PPARG: variants seen among roughly 807,000 people sequenced by gnomAD.
PPARG encodes peroxisome proliferator activated receptor gamma, also known as peroxisome proliferator-activated receptor gamma.
A neutral mutation model predicts 39.2 loss-of-function variants in PPARG; 17 were observed. The observed-to-expected ratio is 0.43, with a 90% confidence interval of 0.30 to 0.65. The LOEUF (loss-of-function observed/expected upper bound fraction) is 0.65, where lower values mean the gene tolerates loss of function less well. Ranked by LOEUF, PPARG falls within the 30% of genes least tolerant of loss-of-function variation. PPARG has a pLI of 0.13. For synonymous variants in PPARG, 223 were observed against 215.7 expected (o/e 1.03, Z -0.30); for missense variants, 406 against 585.9 (o/e 0.69, Z 3.17).
chr3:12,415,936 GA>G (rs1363334675), intron 6 of PPARG, among the ~76,000 whole-genome samples: 3 of 151,970 alleles, frequency 2.0e-5, no homozygotes, highest in African/African-American at 7.3e-5. Context: ...GAAATTTTAA[GA>G]AAAAAAAATT....
At chr3:12,397,072 A>T (rs2050288992) in intron 5 of PPARG, among the ~76,000 whole-genome samples, 1 of 152,064 alleles carries the variant, frequency 6.6e-6, no homozygotes. Context: ...TATAACATTG[A>T]GATTTGGTTA....
At chr3:12,358,571 T>C (rs1313210325) in intron 2 of PPARG, among the ~76,000 whole-genome samples, 1 of 152,228 alleles carries the variant, frequency 6.6e-6, no homozygotes, top group African/African-American at 2.4e-5. Flanking sequence ...ATCTATACTT[T>C]ACCTAAAGCC....
chr3:12,368,397 G>A (rs1223020829), intron 2 of PPARG, among the ~76,000 whole-genome samples: 1 of 151,688 alleles, frequency 6.6e-6, no homozygotes, highest in Non-Finnish European at 1.5e-5. Context: ...GGCCAGGCTG[G>A]TCTCGAACTC....
chr3:12,337,556 A>C (rs1398924002), intron 2 of PPARG, among the ~76,000 whole-genome samples: 1 of 152,036 alleles, frequency 6.6e-6, no homozygotes, highest in East Asian at 1.9e-4. Context: ...CATCTAATCT[A>C]CTCTCCTTTC....
chr3:12,298,324 A>AAAAAAAAAAAAAAAAG lies in PPARG; in HGVS notation c.-83+9193_-83+9194insAAAAAAAAAAAAGAAA, dbSNP rs764771478. 4.3e-4 allele frequency among the ~76,000 whole-genome samples: 58 copies of AAAAAAAAAAAAAAAAG among 134,634 alleles called. 4 individuals are homozygous for AAAAAAAAAAAAAAAAG. The highest frequency in any genetic ancestry group is 5.2e-4 in the African/African-American group (20 of 38,272). 88.3% of individuals were successfully genotyped at this position (134,634 alleles called of 152,430 possible). On this transcript the variant is annotated intron_variant, in intron 1 of 7. Transcript: ENST00000651735. ...AAAAAAAAAAAAAAAAAAAAAAAAAAAAAGAAATGTAAAATAGCAAGCGAG... is the reference window on the plus strand; with the variant it reads ...AAAAAAAAAAAAAAAAAAAAAAAAAAAAAAAAAAAAAAAAAGAAAGAAATGTAAAATAGCAAGCGAG...
At chr3:12,430,829 G>A (rs755113526) in intron 7 of PPARG, among the ~76,000 whole-genome samples, 2 of 152,122 alleles carry the variant, frequency 1.3e-5, no homozygotes, top group Non-Finnish European at 2.9e-5. Context: ...TGAAGGGAAG[G>A]TGAGAATGTT....
chr3:12,378,820 A>G (rs1299539366), intron 2 of PPARG, among the ~76,000 whole-genome samples: 1 of 152,200 alleles, frequency 6.6e-6, no homozygotes, highest in Admixed American at 6.5e-5. Context: ...AAATTTGCTA[A>G]GACAGTAGAT....
chr3:12,393,817 A>G (rs1009389143), intron 5 of PPARG, among the ~76,000 whole-genome samples: 3 of 152,188 alleles, frequency 2.0e-5, no homozygotes, highest in African/African-American at 7.2e-5. Context: ...CACAGTGGAA[A>G]CCATCAAGAT....
At chr3:12,308,707 T>A (rs2047146232) in intron 1 of PPARG, among the ~76,000 whole-genome samples, 1 of 152,132 alleles carries the variant, frequency 6.6e-6, no homozygotes, top group African/African-American at 2.4e-5. Flanking sequence ...GGTGGGAGTA[T>A]TTACACCACA....
intron 2 of PPARG, among the ~76,000 whole-genome samples, chr3:12,377,774 T>A (rs896746792): frequency 6.6e-6 from 1 of 152,240 alleles, no homozygotes; most frequent in South Asian, 2.1e-4. Context: ...ACTAGAAACT[T>A]CTTCACCACA....
intron 6 of PPARG, among the ~76,000 whole-genome samples, chr3:12,415,794 A>G (rs1031506258): frequency 3.3e-5 from 5 of 152,220 alleles, no homozygotes; most frequent in African/African-American, 1.2e-4. Flanking sequence ...CAAGAGCTGT[A>G]ATCTGCTTTC....
At chr3:12,365,595 GTTA>G (rs1398608796) in intron 2 of PPARG, among the ~76,000 whole-genome samples, 69 of 151,592 alleles carry the variant, frequency 4.6e-4, no homozygotes, top group Non-Finnish European at 1.2e-4. Context: ...TATTATTATT[GTTA>G]TTATTATATT....
chr3:12,421,362 G>T (rs1384879722), intron 7 of PPARG, among the ~76,000 whole-genome samples: 1 of 152,212 alleles, frequency 6.6e-6, no homozygotes, highest in Non-Finnish European at 1.5e-5. Flanking sequence ...GCGGTGTCAA[G>T]AGTAATAAAA....
chr3:12,307,023 G>A (rs559975608), intron 1 of PPARG, among the ~76,000 whole-genome samples: 5 of 150,642 alleles, frequency 3.3e-5, no homozygotes, highest in East Asian at 2.0e-4. Context: ...GCGTGAACCC[G>A]GGAGGCAGAG....
At chr3:12,314,278 AAATTAATTAATT>A (rs17425935) in intron 2 of PPARG, among the ~76,000 whole-genome samples, 7 of 151,594 alleles carry the variant, frequency 4.6e-5, no homozygotes, top group South Asian at 4.2e-4. Flanking sequence ...CCCTCTCAAA[AAATTAATTAATT>A]AATTAATTAA....
chr3:12,319,438 T>C (rs2047477799), intron 2 of PPARG, among the ~76,000 whole-genome samples: 1 of 152,184 alleles, frequency 6.6e-6, no homozygotes, highest in South Asian at 2.1e-4. Flanking sequence ...CGTCGTAAAA[T>C]TGAAGTACTT....
At chr3:12,364,813 T>C (rs1393476752) in intron 2 of PPARG, among the ~76,000 whole-genome samples, 1 of 152,228 alleles carries the variant, frequency 6.6e-6, no homozygotes, top group African/African-American at 2.4e-5. Context: ...TTTCACATGT[T>C]CACATGCCAT....
Position 12,382,187 on chromosome 3 carries a change from G to C in PPARG, c.390+696G>C, listed in dbSNP as rs2049696093. Among the ~76,000 whole-genome samples, 2 of 152,168 alleles carry C rather than the reference G, an allele frequency of 1.3e-5. 1 individual carries two copies. Among genetic ancestry groups the C allele is most frequent in the Admixed American group, 1.3e-4 (2 of 15,270 alleles). ...CAGTGCCTCATGTTTCCTTATTCCAGCATCAATGTGAGCCACATACACGGA... is the reference window on the plus strand; with the variant it reads ...CAGTGCCTCATGTTTCCTTATTCCACCATCAATGTGAGCCACATACACGGA... On this transcript the variant is annotated intron_variant, in intron 4 of 7. Transcript: ENST00000651735.
chr3:12,431,527 ACACAATTTT>A (rs2051658673), intron 7 of PPARG, among the ~76,000 whole-genome samples: 1 of 152,242 alleles, frequency 6.6e-6, no homozygotes, highest in African/African-American at 2.4e-5. Flanking sequence ...AAAACAAAAC[ACACAATTTT>A]TAAAAACAGA....
Sources: allele counts gnomAD v4.1 joint callset (sites outside exome capture counted in the v4.1 genomes callset), GRCh38; gene constraint gnomAD v4.1.1; transcripts MANE v1.5; gene names NCBI Gene and HGNC (gene_info 2026-07-23, HGNC 2026-07-21).